DNAJA1: variants seen among roughly 807,000 people sequenced by gnomAD.
The protein encoded by DNAJA1 is dnaJ homolog subfamily A member 1.
Under a neutral mutation model 47.6 loss-of-function variants are expected in DNAJA1, and 26 were observed. The ratio of observed to expected loss-of-function variants is 0.55; its 90% confidence interval spans 0.40 to 0.76. The LOEUF is 0.76. Among genes scored for constraint, DNAJA1 ranks in the 30% least tolerant of loss-of-function variants. The pLI, the probability that DNAJA1 is intolerant of heterozygous loss-of-function variation, is 0.00. For missense variants in DNAJA1, 315 were observed against 485.0 expected, an observed-to-expected ratio of 0.65 and a Z score of 3.29; for synonymous variants, 165 against 158.4, an observed-to-expected ratio of 1.04 and a Z score of -0.31.
chr9:33,036,697 A>C lies in DNAJA1; in HGVS notation c.874+8A>C, dbSNP rs1206726736. ...TCATCACCTCTCATCCAGGTATGGG[A>C]ACTAGGCAAGCTTAAACTTCTCTTT... On this transcript the variant is annotated splice_region_variant and intron_variant, in intron 7 of 8. Transcript: ENST00000330899. 2.5e-6 allele frequency: 4 copies of C among 1,594,786 alleles called. No homozygotes were observed. Among genetic ancestry groups the C allele is most frequent in the Non-Finnish European group, 3.4e-6 (4 of 1,165,280 alleles).
At position 33,030,387 on chromosome 9, in the gene DNAJA1, C is replaced by T. The variant is rs1177774940; in HGVS notation, c.416-53C>T. 2.7e-6 allele frequency: 4 copies of T among 1,504,008 alleles called. No homozygotes were observed. The African/African-American group carries it at 5.6e-5, about 21-fold the overall frequency. 93.2% of individuals were successfully genotyped at this position (1,504,008 alleles called of 1,614,324 possible). ...AGGAATTGTCTTCTTAAAACATTTA[C>T]TACTGTATACACTACTAATTCATAC... On this transcript the variant is annotated intron_variant, in intron 4 of 8. Coordinates refer to ENST00000330899, the MANE Select transcript of DNAJA1 (RefSeq NM_001539.4).
Position 33,030,646 on chromosome 9 carries a change from T to C in DNAJA1, c.622T>C (p.Leu208=). The C allele has an allele frequency of 6.2e-7, 1 of 1,613,158 alleles. No individual in the cohort carries two copies. The highest frequency in any genetic ancestry group is 8.5e-7 in the Non-Finnish European group (1 of 1,179,592). Reference sequence around the variant, plus strand: ...GAAGATAGTTCGAGAGAAGAAAATTTTAGAAGTTCATATTGACAAAGGTGA... The same window carrying C: ...GAAGATAGTTCGAGAGAAGAAAATTCTAGAAGTTCATATTGACAAAGGTGA... The part of the protein sequence containing the change: ...GRKIVREKKI[L]EVHIDKGMKD... The change falls in exon 5 of 9, where the codon TTA becomes CTA. Residue 208 remains leucine, a synonymous_variant. Transcript: ENST00000330899.
chr9:33,033,006 A>G (rs1838983179), intron 5 of DNAJA1, among the ~76,000 whole-genome samples: 1 of 152,162 alleles, frequency 6.6e-6, no homozygotes, highest in Non-Finnish European at 1.5e-5. Flanking sequence ...CTGTTAGGTA[A>G]CCAGAGTGAT....
At chr9:33,027,880 C>A (rs2119377978) in intron 3 of DNAJA1, among the ~76,000 whole-genome samples, 1 of 151,676 alleles carries the variant, frequency 6.6e-6, no homozygotes, top group Non-Finnish European at 1.5e-5. Context: ...AAAAATTAGC[C>A]AGGCATGGTG....
intron 6 of DNAJA1, 91 bp downstream of exon 6, chr9:33,034,421 C>G (rs1839005215): frequency 1.1e-6 from 1 of 897,908 alleles, no homozygotes; most frequent in Non-Finnish European, 1.7e-6. Flanking sequence ...AAAGTGTTTT[C>G]CATTACTCTT....
In DNAJA1 at chr9:33,037,309, TAAAAAAACAAAA is replaced by T. The variant is rs1839051525; in HGVS notation, c.975+202_975+213del. ...GCAACATAGTGAAACCCTGTCTCTT[TAAAAAAACAAAA>T]AAAAAAAAAAATTAAAATTTCTGAA... On this transcript the variant is annotated intron_variant, in intron 8 of 8. Transcript: ENST00000330899. 7 of 308,738 alleles carry T rather than the reference TAAAAAAACAAAA, an allele frequency of 2.3e-5. No individual in the cohort carries two copies. In the East Asian group the frequency reaches 2.8e-4, roughly 12 times the overall value. 19.1% of individuals were successfully genotyped at this position (308,738 alleles called of 1,614,324 possible). A position where few individuals can be genotyped will look rare whatever the true frequency, so the allele number is the denominator to read the frequency against.
intron 5 of DNAJA1, among the ~76,000 whole-genome samples, chr9:33,032,098 T>C (rs1358529806): frequency 6.6e-6 from 1 of 152,256 alleles, no homozygotes; most frequent in Admixed American, 6.5e-5. Context: ...ACTATTATAC[T>C]GTACTGTGGT....
chr9:33,029,233 A>G (rs1353117250), intron 3 of DNAJA1, among the ~76,000 whole-genome samples: 2 of 152,220 alleles, frequency 1.3e-5, no homozygotes, highest in African/African-American at 4.8e-5. Context: ...GCTACGTTGG[A>G]CAGAACAGAT....
Position 33,034,274 on chromosome 9 carries a change from G to A in DNAJA1, c.702G>A (p.Leu234=), listed in dbSNP as rs747653419. The change falls in exon 6 of 9, where the codon CTG becomes CTA. Residue 234 remains leucine (L), a synonymous_variant. Coordinates refer to ENST00000330899, the MANE Select transcript of DNAJA1 (RefSeq NM_001539.4). ...GTGAAGGAGACCAAGAACCAGGACT[G>A]GAGCCAGGCGATATTATCATTGTGT... ...FHGEGDQEPG[L]EPGDIIIVLD... 31 of 1,609,806 alleles carry A rather than the reference G, an allele frequency of 1.9e-5. No homozygotes were observed. Among genetic ancestry groups the A allele is most frequent in the Non-Finnish European group, 2.5e-5 (29 of 1,178,876 alleles).
At chr9:33,026,726 C>G (rs1838868513) in intron 2 of DNAJA1, 87 bp from the exon 3 acceptor site, 2 of 1,569,468 alleles carry the variant, frequency 1.3e-6, no homozygotes, top group Non-Finnish European at 1.7e-6. Flanking sequence ...GATCACTTCT[C>G]GGCCTTTTTA....
Position 33,030,001 on chromosome 9 carries a change from TTTTG to T in DNAJA1, c.415+16_415+19del. ...TGACAAATGTGAAGGTACGGTGTTT[TTTTG>T]TTTTGTTTTGTTTTGTTTTTAAGCA... On this transcript the variant is annotated intron_variant, in intron 4 of 8. Transcript: ENST00000330899. 6.3e-7 allele frequency: 1 copy of T among 1,590,950 alleles called. No individual in the cohort carries two copies. Among genetic ancestry groups the T allele is most frequent in the Non-Finnish European group, 8.6e-7 (1 of 1,166,220 alleles).
chr9:33,030,920 C>T (rs1200170851), intron 5 of DNAJA1, among the ~76,000 whole-genome samples: 1 of 152,136 alleles, frequency 6.6e-6, no homozygotes, highest in Non-Finnish European at 1.5e-5. Flanking sequence ...ATCTGTGGTC[C>T]TGTAAATGAT....
chr9:33,028,664 G>A (rs558207281), intron 3 of DNAJA1, among the ~76,000 whole-genome samples: 45 of 152,308 alleles, frequency 3.0e-4, no homozygotes, highest in African/African-American at 1.0e-3. Context: ...ACCTTACAAA[G>A]AACCTGCAGG....
intron 4 of DNAJA1, 113 bp downstream of exon 4, chr9:33,030,102 C>A (rs557556922): frequency 1.9e-6 from 2 of 1,033,674 alleles, no homozygotes. Flanking sequence ...ATGTACACTA[C>A]CTAGATTTTG....
At chr9:33,026,417 CTT>C in intron 1 of DNAJA1, 56 bp from the exon 2 acceptor site, 2 of 1,565,348 alleles carry the variant, frequency 1.3e-6, no homozygotes, top group Non-Finnish European at 1.7e-6. Flanking sequence ...CCTTAGCTCT[CTT>C]TTTTATTAAA....
At chr9:33,036,473 T>TA (rs1839034349) in intron 6 of DNAJA1, 101 bp from the exon 7 acceptor site, 1 of 667,792 alleles carries the variant, frequency 1.5e-6, no homozygotes, top group South Asian at 2.0e-5. Context: ...GGTGTCTTTG[T>TA]AAAAGACCCT....
At chr9:33,033,180 A>G (rs943115205) in intron 5 of DNAJA1, among the ~76,000 whole-genome samples, 4 of 151,000 alleles carry the variant, frequency 2.6e-5, no homozygotes, top group East Asian at 1.9e-4. Context: ...AAAAAAAAAA[A>G]GGCGTGTTTT....
At chr9:33,027,776 G>T (rs969986352) in intron 3 of DNAJA1, among the ~76,000 whole-genome samples, 4 of 152,002 alleles carry the variant, frequency 2.6e-5, no homozygotes, top group African/African-American at 9.7e-5. Flanking sequence ...CTTGAACCCT[G>T]GAGGCAGAGG....
At chr9:33,037,693 A>G (rs1192877039) in intron 8 of DNAJA1, among the ~76,000 whole-genome samples, 1 of 152,110 alleles carries the variant, frequency 6.6e-6, no homozygotes, top group Non-Finnish European at 1.5e-5. Flanking sequence ...AAAAAAGAAA[A>G]AAGAAAATTT....
Sources: allele counts gnomAD v4.1 joint callset (sites outside exome capture counted in the v4.1 genomes callset), GRCh38; gene constraint gnomAD v4.1.1; transcripts MANE v1.5; gene names NCBI Gene and HGNC (gene_info 2026-07-23, HGNC 2026-07-21).